The following ALK variants were observed in gnomAD, a reference collection of about 807,000 sequenced individuals.
ALK encodes ALK tyrosine kinase receptor.
In ALK, 74 loss-of-function variants were observed where a neutral mutation model predicts 163.1. The observed-to-expected ratio is 0.45, with a 90% CI of 0.38 to 0.55. The LOEUF (loss-of-function observed/expected upper bound fraction) is 0.55, where lower values mean the gene tolerates loss of function less well. Among genes scored for constraint, ALK ranks in the 20% least tolerant of loss-of-function variants. The pLI is 0.00. For synonymous variants in ALK, 960 were observed against 843.2 expected (o/e 1.14, Z -2.40); for missense variants, 2,063 against 2,105.3 (o/e 0.98, Z 0.39).
intron 5 of ALK, among the ~76,000 whole-genome samples, chr2:29,337,150 G>A (rs1299888271): frequency 1.3e-5 from 2 of 152,198 alleles, no homozygotes; most frequent in Non-Finnish European, 2.9e-5. Context: ...GTATTAGAAG[G>A]CCTGAGAACT....
chr2:29,309,626 CTT>C (rs930310426), intron 8 of ALK, among the ~76,000 whole-genome samples: 5 of 148,554 alleles, frequency 3.4e-5, no homozygotes, highest in Admixed American at 6.9e-5. Flanking sequence ...GTAAGAATGA[CTT>C]TGGCTCAGAA....
At chr2:29,636,792 C>A (rs895982981) in intron 3 of ALK, among the ~76,000 whole-genome samples, 1 of 152,074 alleles carries the variant, frequency 6.6e-6, no homozygotes, top group Non-Finnish European at 1.5e-5. Flanking sequence ...GATTTAAAGG[C>A]ACATTGTATC....
intron 1 of ALK, among the ~76,000 whole-genome samples, chr2:29,865,115 G>T (rs1666398455): frequency 6.6e-6 from 1 of 152,186 alleles, no homozygotes; most frequent in Non-Finnish European, 1.5e-5. Context: ...GGGTGTTCTG[G>T]TTCAACAAAG....
chr2:29,283,755 T>C (rs1309301274), intron 9 of ALK, among the ~76,000 whole-genome samples: 1 of 152,156 alleles, frequency 6.6e-6, no homozygotes, highest in Non-Finnish European at 1.5e-5. Flanking sequence ...TGGAACCCTT[T>C]GTTTAGCATG....
At chr2:29,334,355 T>TA (rs1173661487) in intron 5 of ALK, among the ~76,000 whole-genome samples, 1 of 152,212 alleles carries the variant, frequency 6.6e-6, no homozygotes, top group Non-Finnish European at 1.5e-5. Context: ...ATTGAACTCA[T>TA]CCTGTGTATT....
intron 4 of ALK, among the ~76,000 whole-genome samples, chr2:29,440,721 C>T (rs1670520302): frequency 6.6e-6 from 1 of 152,226 alleles, no homozygotes; most frequent in Non-Finnish European, 1.5e-5. Context: ...GAACCCTTGA[C>T]AAGTCTACCT....
At chr2:29,547,071 T>C (rs1480865446) in intron 3 of ALK, among the ~76,000 whole-genome samples, 1 of 152,206 alleles carries the variant, frequency 6.6e-6, no homozygotes, top group African/African-American at 2.4e-5. Context: ...GAAGAGTCAA[T>C]GCACATGCAG....
rs2148258238 is a variant in ALK, at chr2:29,328,378, G to A, written c.1386C>T (p.Ala462=). The change falls in exon 6 of 29, where the codon GCC becomes GCT. Residue 462 remains alanine, a synonymous_variant. Coordinates refer to ENST00000389048, the MANE Select transcript of ALK (RefSeq NM_004304.5). ...ACATCTGGCTCTCATCTTCTCCCTG[G>A]GCACAGTCCTGGTGGAAGTCACAGG... ...GQACDFHQDC[A]QGEDESQMCR... 6.2e-7 allele frequency: 1 copy of A among 1,614,122 alleles called. No individual in the cohort carries two copies. The highest frequency in any genetic ancestry group is 8.5e-7 in the Non-Finnish European group (1 of 1,180,002).
In ALK at chr2:29,225,543, G is replaced by A. The variant is rs1663946773; in HGVS notation, c.3090C>T (p.His1030=). The part of the protein sequence containing the change: ...SCIVSPTPEP[H]LPLSLILSVV... ...CAGAGAGGATCAGCGAGAGTGGCAG[G>A]TGTGGCTCCGGGGTGGGTGACACTG... is the stretch of plus-strand genomic sequence containing the variant. The change falls in exon 19 of 29, where the codon CAC becomes CAT. Residue 1030 remains histidine, a synonymous_variant. Coordinates refer to ENST00000389048, the MANE Select transcript of ALK (RefSeq NM_004304.5). 1.9e-6 allele frequency: 3 copies of A among 1,610,314 alleles called. No individual in the cohort carries two copies. The highest frequency in any genetic ancestry group is 2.5e-6 in the Non-Finnish European group (3 of 1,178,826).
chr2:29,430,699 T>C (rs910030752), intron 4 of ALK, among the ~76,000 whole-genome samples: 1 of 152,226 alleles, frequency 6.6e-6, no homozygotes, highest in African/African-American at 2.4e-5. Flanking sequence ...CAGACTGTGA[T>C]AGGTACTTAT....
chr2:29,484,535 C>T (rs546719519), intron 4 of ALK, among the ~76,000 whole-genome samples: 1 of 152,194 alleles, frequency 6.6e-6, no homozygotes, highest in African/African-American at 2.4e-5. Context: ...TCTAGTGTTT[C>T]AGTTTCATAA....
chr2:29,745,835 T>G (rs1258433224), intron 1 of ALK, among the ~76,000 whole-genome samples: 3 of 152,200 alleles, frequency 2.0e-5, no homozygotes. Flanking sequence ...AAATATTTGT[T>G]GGATGGACAA....
At chr2:29,693,721 C>G (rs1678470260) in intron 3 of ALK, among the ~76,000 whole-genome samples, 1 of 152,148 alleles carries the variant, frequency 6.6e-6, no homozygotes, top group African/African-American at 2.4e-5. Flanking sequence ...AGATGAGATT[C>G]TCTCGAGAAT....
At chr2:29,787,005 C>T (rs537913873) in intron 1 of ALK, among the ~76,000 whole-genome samples, 114 of 152,258 alleles carry the variant, frequency 7.5e-4, no homozygotes, top group African/African-American at 2.7e-3. Context: ...CCATGTTAGC[C>T]AGGATGGTCT....
At chr2:29,807,869 G>A (rs1455754809) in intron 1 of ALK, among the ~76,000 whole-genome samples, 2 of 152,192 alleles carry the variant, frequency 1.3e-5, no homozygotes, top group Non-Finnish European at 2.9e-5. Context: ...ATCACATTGT[G>A]AGAAGGTGAT....
chr2:29,198,761 C>T (rs1669085761), intron 26 of ALK, among the ~76,000 whole-genome samples: 2 of 152,076 alleles, frequency 1.3e-5, no homozygotes, highest in Non-Finnish European at 2.9e-5. Context: ...TGTTTATTGA[C>T]TTGATAATTC....
At chr2:29,388,974 C>A (rs1373661135) in intron 4 of ALK, among the ~76,000 whole-genome samples, 1 of 152,224 alleles carries the variant, frequency 6.6e-6, no homozygotes, top group Non-Finnish European at 1.5e-5. Context: ...CTCCAAAGGC[C>A]TCCATCTCAC....
chr2:29,647,743 T>C (rs890744797), intron 3 of ALK, among the ~76,000 whole-genome samples: 2 of 150,988 alleles, frequency 1.3e-5, no homozygotes, highest in Non-Finnish European at 2.9e-5. Flanking sequence ...TCATCTACCA[T>C]AGTAATCCAT....
chr2:29,842,312 A>T (rs551144312), intron 1 of ALK, among the ~76,000 whole-genome samples: 1 of 152,334 alleles, frequency 6.6e-6, no homozygotes, highest in South Asian at 2.1e-4. Context: ...GACTTCAAGT[A>T]ACAAGGGATT....
Sources: allele counts gnomAD v4.1 joint callset (sites outside exome capture counted in the v4.1 genomes callset), GRCh38; gene constraint gnomAD v4.1.1; transcripts MANE v1.5; gene names NCBI Gene and HGNC (gene_info 2026-07-23, HGNC 2026-07-21).